Variants in PLAGL1 observed in about 807,000 individuals in gnomAD.
The protein encoded by PLAGL1 is zinc finger protein PLAGL1.
A neutral mutation model predicts 4.6 loss-of-function variants in PLAGL1; 1 was observed. That is an observed-to-expected ratio of 0.22 (90% CI 0.08 to 1.03). The LOEUF is 1.03. PLAGL1 is among the 50% of genes least tolerant of loss of function. PLAGL1 has a pLI of 0.58. For missense variants in PLAGL1, 464 were observed against 570.4 expected (o/e 0.81, Z 1.90); for synonymous variants, 240 against 237.8 (o/e 1.01, Z -0.08).
chr6:143,992,239 T>C (rs1465270159), intron 1 of PLAGL1, among the ~76,000 whole-genome samples: 1 of 152,200 alleles, frequency 6.6e-6, no homozygotes, highest in Non-Finnish European at 1.5e-5. Flanking sequence ...GGAAAAACCA[T>C]TGAATATTCT....
At chr6:143,987,103 G>T (rs961351520) in intron 1 of PLAGL1, among the ~76,000 whole-genome samples, 22 of 152,114 alleles carry the variant, frequency 1.4e-4, no homozygotes, top group African/African-American at 4.8e-4. Context: ...TAGCTAAAAA[G>T]AAACCTTTAA....
Position 143,942,671 on chromosome 6 carries a change from CAGA to C in PLAGL1, c.153-11_153-9del, listed in dbSNP as rs770877698. The C allele has an allele frequency of 1.4e-5, 22 of 1,600,448 alleles. No homozygotes were observed. The highest frequency in any genetic ancestry group is 3.4e-5 in the Admixed American group (2 of 58,152). On this transcript the variant is annotated splice_polypyrimidine_tract_variant and intron_variant, in intron 7 of 7. Transcript: ENST00000674357. This position sits in a 1 kb window ranked among gnomAD's most constrained non-coding sequence, Gnocchi z 7.6. ...GAATGGGTAGCCATATGCCTAGGAG[CAGA>C]AGGAGAAATTTCACAATAGAGAGTT...
rs1343885903 is a variant in PLAGL1 at position 144,063,003 on chromosome 6, C to T, written c.-151+1465G>A. On this transcript the variant is annotated intron_variant, in intron 1 of 3. Transcript: ENST00000437412. The surrounding 1 kb of genome is among the most constrained non-coding windows in gnomAD (Gnocchi z 5.7). Reference sequence around the variant, plus strand: ...TCAAACCATCCTCCACCGGCTGGAGCTGGCTCACTTTTCATCCTGCTGACA... The same window carrying T: ...TCAAACCATCCTCCACCGGCTGGAGTTGGCTCACTTTTCATCCTGCTGACA... Among the ~76,000 whole-genome samples the T allele has an allele frequency of 6.6e-6, 1 of 152,198 alleles. No individual in the cohort carries two copies. Among genetic ancestry groups the T allele is most frequent in the East Asian group, 1.9e-4 (1 of 5,202 alleles).
At position 143,952,662 on chromosome 6, in the gene PLAGL1, C is replaced by T. The variant is rs1005818704; in HGVS notation, c.-324-4202G>A. Among the ~76,000 whole-genome samples, 7 of 152,156 alleles carry T rather than the reference C, an allele frequency of 4.6e-5. No homozygotes were observed. The highest frequency in any genetic ancestry group is 1.7e-4 in the African/African-American group (7 of 41,432). On this transcript the variant is annotated intron_variant, in intron 6 of 7. Transcript: ENST00000674357. The surrounding 1 kb of genome is among the most constrained non-coding windows in gnomAD (Gnocchi z 6.1). The stretch of plus-strand genomic sequence containing the variant: ...GGTGGAGGGGGGAGTCAGAACACAA[C>T]TGTAGTTCCAGGACTTCTCCAGTGC...
chr6:144,025,655 T>C (rs1796283208), intron 1 of PLAGL1, among the ~76,000 whole-genome samples: 1 of 152,094 alleles, frequency 6.6e-6, no homozygotes, highest in South Asian at 2.1e-4. Context: ...TTTGGGAGGC[T>C]GAGGCGGGTA....
At chr6:144,012,335 C>T (rs1381466051), upstream of PLAGL1, among the ~76,000 whole-genome samples, 1 of 152,036 alleles carries the variant, frequency 6.6e-6, no homozygotes, top group East Asian at 1.9e-4. The surrounding 1 kb of genome is among the most constrained non-coding windows in gnomAD (Gnocchi z 4.8). Context: ...GTCTCAGCCT[C>T]CTGAGTAGCT....
intron 1 of PLAGL1, among the ~76,000 whole-genome samples, chr6:143,996,375 G>A (rs774468968): frequency 1.3e-5 from 2 of 152,148 alleles, no homozygotes; most frequent in Non-Finnish European, 2.9e-5. Flanking sequence ...CCTACAAAGC[G>A]CTTGTAAACA....
chr6:143,967,403 T>A (rs1262954845), intron 3 of PLAGL1: 1 of 152,126 alleles, frequency 6.6e-6, no homozygotes, highest in Admixed American at 6.5e-5. Flanking sequence ...AGAGTATAAA[T>A]AATGGATTCA....
intron 1 of PLAGL1, among the ~76,000 whole-genome samples, chr6:144,024,715 AAAC>A (rs1242804127): frequency 2.0e-5 from 3 of 152,194 alleles, no homozygotes; most frequent in Non-Finnish European, 2.9e-5. Flanking sequence ...TCAAAAATAA[AAAC>A]AATAATGGTG....
chr6:143,988,020 T>A (rs1295422116), intron 1 of PLAGL1, among the ~76,000 whole-genome samples: 1 of 152,234 alleles, frequency 6.6e-6, no homozygotes, highest in Non-Finnish European at 1.5e-5. Flanking sequence ...TTCTATCTTG[T>A]CTGCCAAGCT....
At position 143,985,450 on chromosome 6, in the gene PLAGL1, A is replaced by C. The variant is rs1788796947; in HGVS notation, c.-583-276T>G. On this transcript the variant is annotated intron_variant, in intron 1 of 7. Transcript: ENST00000674357. The surrounding 1 kb of genome is among the most constrained non-coding windows in gnomAD (Gnocchi z 4.4). The stretch of plus-strand genomic sequence containing the variant: ...TAGGCTCACATATCTACCACTAGTC[A>C]AAATATTGAACAGTTCCATCACAAG... Among the ~76,000 whole-genome samples the C allele has an allele frequency of 6.6e-6, 1 of 152,140 alleles. No individual in the cohort carries two copies. Among genetic ancestry groups the C allele is most frequent in the African/African-American group, 2.4e-5 (1 of 41,436 alleles).
intron 1 of PLAGL1, among the ~76,000 whole-genome samples, chr6:144,047,808 C>G (rs1458070307): frequency 1.3e-5 from 2 of 152,166 alleles, no homozygotes; most frequent in Non-Finnish European, 2.9e-5. Flanking sequence ...CTCATGTCCT[C>G]ACATTTCAAA....
chr6:143,966,779 T>A lies in PLAGL1; in HGVS notation c.-471-581A>T, dbSNP rs1174836712. 1 of 152,242 alleles carries A rather than the reference T, an allele frequency of 6.6e-6. No homozygotes were observed. Among genetic ancestry groups the A allele is most frequent in the Non-Finnish European group, 1.5e-5 (1 of 68,046 alleles). The allele number at this position is 152,242 out of a possible 1,614,324, so 9.4% of individuals were successfully genotyped here. ...ATAGAGAAATTATTTTCTTTTCTAA[T>A]TTTAATATTTAACACTCCTATGTTA... On this transcript the variant is annotated intron_variant, in intron 3 of 7. Coordinates refer to ENST00000674357, the MANE Select transcript of PLAGL1 (RefSeq NM_001317162.2). The surrounding 1 kb of genome is among the most constrained non-coding windows in gnomAD (Gnocchi z 6.0).
Position 143,962,440 on chromosome 6 carries a change from A to AT in PLAGL1, c.-398-1899dup, listed in dbSNP as rs919850324. 1.3e-5 allele frequency among the ~76,000 whole-genome samples: 2 copies of AT among 152,226 alleles called. No individual in the cohort carries two copies. The highest frequency in any genetic ancestry group is 2.9e-5 in the Non-Finnish European group (2 of 68,036). ...GTTCCAGAGTAACAAGAAGAATCAC[A>AT]TTTTTGTGGGAGTGAAGACTGGCAG... On this transcript the variant is annotated intron_variant, in intron 5 of 7. Coordinates refer to ENST00000674357, the MANE Select transcript of PLAGL1 (RefSeq NM_001317162.2). The surrounding 1 kb of genome is among the most constrained non-coding windows in gnomAD (Gnocchi z 5.3).
chr6:144,045,203 T>A (rs1798049984), intron 1 of PLAGL1, among the ~76,000 whole-genome samples: 1 of 152,102 alleles, frequency 6.6e-6, no homozygotes, highest in Admixed American at 6.6e-5. Flanking sequence ...AATATTGTTA[T>A]GTGTGAATTT....
rs991557697 is a variant in PLAGL1, at chr6:143,997,426, C to G, written c.-584+10664G>C. Among the ~76,000 whole-genome samples, 1 of 152,112 alleles carries G rather than the reference C, an allele frequency of 6.6e-6. No individual in the cohort carries two copies. Among genetic ancestry groups the G allele is most frequent in the Non-Finnish European group, 1.5e-5 (1 of 68,026 alleles). ...GATAAACAAATTGTGGTAATGGAGT[C>G]CTACTCAGAAAAAATACAAAAAGAA... On this transcript the variant is annotated intron_variant, in intron 1 of 7. Transcript: ENST00000674357. The surrounding 1 kb of genome is among the most constrained non-coding windows in gnomAD (Gnocchi z 4.6).
chr6:144,028,166 C>CCTTTAGAATACT (rs1332506392), intron 1 of PLAGL1, among the ~76,000 whole-genome samples: 15 of 152,310 alleles, frequency 9.8e-5, no homozygotes, highest in South Asian at 8.3e-4. Context: ...ATTAACTTTT[C>CCTTTAGAATACT]AAACATTTAT....
chr6:143,988,853 T>C (rs1283436871), intron 1 of PLAGL1, among the ~76,000 whole-genome samples: 1 of 152,196 alleles, frequency 6.6e-6, no homozygotes, highest in African/African-American at 2.4e-5. Context: ...TCCACCCTTA[T>C]GGCCCAATTT....
At chr6:144,058,787 A>T (rs73594687) in intron 1 of PLAGL1, among the ~76,000 whole-genome samples, 26,279 of 152,116 alleles carry the variant, frequency 0.17, 2,382 homozygotes, top group East Asian at 0.35. Context: ...TCCAGGACAC[A>T]TGGGTACAAG....
Sources: gnomAD v4.1 joint callset for allele counts (sites outside exome capture counted in the v4.1 genomes callset) on GRCh38, gnomAD v4.1.1 for gene constraint, Gnocchi (gnomAD v3.1) non-coding constraint, MANE v1.5 for transcripts, NCBI Gene and HGNC (gene_info 2026-07-23, HGNC 2026-07-21) for gene names.